The following PAX9 variants were observed in gnomAD, a reference collection of about 807,000 sequenced individuals.
PAX9 encodes paired box protein Pax-9.
Under a neutral mutation model 29.1 loss-of-function variants are expected in PAX9, and 6 were observed. The ratio of observed to expected loss-of-function variants is 0.21; its 90% confidence interval spans 0.11 to 0.41. PAX9 has a LOEUF of 0.41. Ranked by LOEUF, PAX9 falls within the 10% of genes least tolerant of loss-of-function variation. The probability of loss-of-function intolerance (pLI) is 1.00; values close to 1 mark genes in which losing one functional copy is unlikely to be tolerated. For synonymous variants in PAX9, 217 were observed against 211.7 expected (o/e 1.03, Z -0.22); for missense variants, 443 against 479.1 (o/e 0.92, Z 0.70).
rs67344124 is a variant in PAX9, at chr14:36,665,167, G to GAAAA, written c.632-1277_632-1274dup. 4.1e-4 allele frequency among the ~76,000 whole-genome samples: 36 copies of GAAAA among 87,776 alleles called. 1 individual carries two copies. The highest frequency in any genetic ancestry group is 6.7e-4 in the Admixed American group (5 of 7,424). 57.6% of individuals were successfully genotyped at this position (87,776 alleles called of 152,430 possible). Reference sequence around the variant, plus strand: ...GGGGTGGTAGAGGAGGAGACATAGTGAAAAAAAAAAAAAAAAAAAAAGGCT... The same window carrying GAAAA: ...GGGGTGGTAGAGGAGGAGACATAGTGAAAAAAAAAAAAAAAAAAAAAAAAAGGCT... On this transcript the variant is annotated intron_variant, in intron 2 of 3. Coordinates refer to ENST00000361487, the MANE Select transcript of PAX9 (RefSeq NM_001372076.1).
upstream of PAX9, among the ~76,000 whole-genome samples, chr14:36,659,731 G>T (rs2073241): frequency 0.33 from 50,196 of 152,026 alleles, 8,614 homozygotes; most frequent in East Asian, 0.45. Context: ...GAAAGGGAGA[G>T]ATGGCATTGA....
Position 36,677,176 on chromosome 14 carries a change from AC to A in PAX9, c.*729del, listed in dbSNP as rs1881930929. On this transcript the variant is annotated 3_prime_UTR_variant, in exon 4 of 4. Transcript: ENST00000361487. ...AAGATATTCCCCTCCCCTCAGCCCC[AC>A]CCCCTCTCTATTTTTTTCTTTCTTT... 1 of 150,880 alleles carries A rather than the reference AC, an allele frequency of 6.6e-6. No homozygotes were observed. The highest frequency in any genetic ancestry group is 6.6e-5 in the Admixed American group (1 of 15,156). The allele number at this position is 150,880 out of a possible 1,614,324, so 9.3% of individuals were successfully genotyped here. A position where few individuals can be genotyped will look rare whatever the true frequency, so the allele number is the denominator to read the frequency against.
At chr14:36,669,767 T>G (rs1594471799) in intron 3 of PAX9, among the ~76,000 whole-genome samples, 2 of 152,150 alleles carry the variant, frequency 1.3e-5, no homozygotes, top group East Asian at 3.8e-4. Context: ...CTTTGAAAAT[T>G]CAGTGTAGAA....
chr14:36,675,551 T>C (rs1594475008), intron 3 of PAX9, among the ~76,000 whole-genome samples: 1 of 152,356 alleles, frequency 6.6e-6, no homozygotes, highest in East Asian at 1.9e-4. Flanking sequence ...CAGTTTCCTT[T>C]CTGATAAAAC....
chr14:36,669,408 T>C (rs1270948969), intron 3 of PAX9, among the ~76,000 whole-genome samples: 1 of 151,312 alleles, frequency 6.6e-6, no homozygotes, highest in Non-Finnish European at 1.5e-5. Flanking sequence ...TCTGCTTATA[T>C]TATGGACAAT....
At chr14:36,670,574 TA>T (rs1459593544) in intron 3 of PAX9, among the ~76,000 whole-genome samples, 2 of 152,172 alleles carry the variant, frequency 1.3e-5, no homozygotes, top group East Asian at 3.9e-4. Flanking sequence ...TTAATTTTTG[TA>T]AATAAGTTAT....
intron 1 of PAX9, 121 bp from the exon 2 acceptor site, chr14:36,662,776 C>T (rs1881328037): frequency 8.3e-7 from 1 of 1,211,420 alleles, no homozygotes. Flanking sequence ...GGGACAGCCC[C>T]AGTAGTTAGT....
At chr14:36,661,399 G>T (rs556228101), upstream of PAX9, among the ~76,000 whole-genome samples, 8 of 152,344 alleles carry the variant, frequency 5.3e-5, no homozygotes, top group Admixed American at 3.3e-4. Flanking sequence ...GGTAGAATCG[G>T]CAGGTGACAC....
At chr14:36,662,236 G>GTTGTAGGAACACGCTAA (rs1659961952) in intron 1 of PAX9, 143 bp downstream of exon 1, 1 of 984,764 alleles carries the variant, frequency 1.0e-6, no homozygotes, top group African/African-American at 1.7e-5. Context: ...GTTCCTACAA[G>GTTGTAGGAACACGCTAA]TTGTAGGAAC....
Position 36,672,526 on chromosome 14 carries a change from T to C in PAX9, c.772-3672T>C, listed in dbSNP as rs567134006. ...AGATTTATATCTTTTACTAATGTTA[T>C]GTGTCAAAATTAATAGTGAGAAAAT... On this transcript the variant is annotated intron_variant, in intron 3 of 3. Coordinates refer to ENST00000361487, the MANE Select transcript of PAX9 (RefSeq NM_001372076.1). Among the ~76,000 whole-genome samples the C allele has an allele frequency of 7.9e-5, 12 of 152,330 alleles. No individual in the cohort carries two copies. The East Asian group carries it at 2.1e-3, about 27-fold the overall frequency.
chr14:36,668,177 A>G (rs1447928228), intron 3 of PAX9, among the ~76,000 whole-genome samples: 1 of 152,178 alleles, frequency 6.6e-6, no homozygotes, highest in Non-Finnish European at 1.5e-5. Context: ...GCTTCAAGAG[A>G]TTTTGTTACA....
chr14:36,661,751 G>T (rs1018512808), upstream of PAX9: 1 of 447,534 alleles, frequency 2.2e-6, no homozygotes. Flanking sequence ...TTCCTGGACT[G>T]CGCTGTCGCT....
At chr14:36,662,336 A>T (rs573185257) in intron 1 of PAX9, among the ~76,000 whole-genome samples, 84 of 152,170 alleles carry the variant, frequency 5.5e-4, no homozygotes, top group Admixed American at 1.4e-3. Flanking sequence ...AAGAGAAGGG[A>T]GCTGTGGCAT....
At chr14:36,663,583 G>T (rs912083712) in intron 2 of PAX9, 60 bp downstream of exon 2, 2 of 1,601,462 alleles carry the variant, frequency 1.2e-6, no homozygotes, top group Non-Finnish European at 1.7e-6. Context: ...CTCTCGCGGA[G>T]GTCCCAGTAT....
chr14:36,676,579 G>T lies in PAX9; in HGVS notation c.*127G>T. On this transcript the variant is annotated 3_prime_UTR_variant, in exon 4 of 4. Coordinates refer to ENST00000361487, the MANE Select transcript of PAX9 (RefSeq NM_001372076.1). ...CTTCTGCCTTGAAAGCTGGCTGTACGGACTCACATCCTTTGTGCTAATGAC... is the reference window on the plus strand; with the variant it reads ...CTTCTGCCTTGAAAGCTGGCTGTACTGACTCACATCCTTTGTGCTAATGAC... 1 of 1,057,676 alleles carries T rather than the reference G, an allele frequency of 9.5e-7. No individual in the cohort carries two copies. Among genetic ancestry groups the T allele is most frequent in the East Asian group, 2.6e-5 (1 of 39,024 alleles). 65.5% of individuals were successfully genotyped at this position (1,057,676 alleles called of 1,614,324 possible).
intron 3 of PAX9, among the ~76,000 whole-genome samples, chr14:36,673,529 C>CAAAAA (rs558436051): frequency 0.064 from 310 of 4,868 alleles, no homozygotes; most frequent in African/African-American, 0.19. Flanking sequence ...GGGCCATCTT[C>CAAAAA]CAAGTGGGTC....
chr14:36,657,677 C>A (rs943123930), upstream of PAX9: 4 of 152,316 alleles, frequency 2.6e-5, no homozygotes, highest in Middle Eastern at 3.4e-3. Context: ...CCGCAGAACG[C>A]CGGGACGCAT....
In PAX9 at chr14:36,666,584, G is replaced by C; in HGVS notation, c.754G>C (p.Glu252Gln). The C allele has an allele frequency of 6.4e-7, 1 of 1,571,004 alleles. No homozygotes were observed. ...GTTGGAGAAGGGAGCCCTGGAGCAG[G>C]AAGCCAAGTACGGTCAGGTGAGGAG... ...NGLEKGALEQEAKYGQAPNGL... is the reference protein window; with the variant it reads ...NGLEKGALEQQAKYGQAPNGL... The change falls in exon 3 of 4, where the codon GAA becomes CAA. Residue 252 changes from glutamate to glutamine, a missense_variant. Physicochemically the swap from Glu to Gln is conservative, Grantham distance 29. Around this residue, in one of 2 missense-constraint regions of PAX9, gnomAD observed 336 missense variants for 317.2 expected, o/e 1.06. Transcript: ENST00000361487.
At chr14:36,659,066 C>A (rs562393746), upstream of PAX9, among the ~76,000 whole-genome samples, 1 of 152,354 alleles carries the variant, frequency 6.6e-6, no homozygotes, top group South Asian at 2.1e-4. Flanking sequence ...GAGGCCTCGA[C>A]GCGGCTAGGG....
Sources: allele counts gnomAD v4.1 joint callset (sites outside exome capture counted in the v4.1 genomes callset), GRCh38; gene constraint gnomAD v4.1.1; regional missense constraint gnomAD v4.1.1; transcripts MANE v1.5; gene names NCBI Gene and HGNC (gene_info 2026-07-23, HGNC 2026-07-21).